Variants in LARP4 observed in about 807,000 individuals in gnomAD.
LARP4 encodes la-related protein 4.
Under a neutral mutation model 92.9 loss-of-function variants are expected in LARP4, and 29 were observed. The ratio of observed to expected loss-of-function variants is 0.31; its 90% CI spans 0.23 to 0.43. LARP4 has a LOEUF of 0.43. Ranked by LOEUF, LARP4 falls within the 20% of genes least tolerant of loss-of-function variation. The pLI is 1.00. For missense variants in LARP4, 732 were observed against 860.0 expected (o/e 0.85, Z 1.86); for synonymous variants, 279 against 284.1 (o/e 0.98, Z 0.18).
intron 13 of LARP4, among the ~76,000 whole-genome samples, chr12:50,468,974 C>T (rs1383408376): frequency 6.6e-6 from 1 of 152,040 alleles, no homozygotes; most frequent in Non-Finnish European, 1.5e-5. Context: ...TACCGTCACC[C>T]TGGCAATTTT....
At chr12:50,453,175 A>G (rs1953577305) in intron 8 of LARP4, among the ~76,000 whole-genome samples, 1 of 151,100 alleles carries the variant, frequency 6.6e-6, no homozygotes. Context: ...TTGACCTCTG[A>G]AAGTGCTCAG....
intron 5 of LARP4, among the ~76,000 whole-genome samples, chr12:50,435,970 G>A (rs1014331911): frequency 2.5e-5 from 3 of 122,202 alleles, no homozygotes; most frequent in East Asian, 5.4e-4. Flanking sequence ...ATAGAGGTGG[G>A]GTCTTGGTAT....
chr12:50,406,427 A>G (rs927900192), intron 1 of LARP4, among the ~76,000 whole-genome samples: 1 of 152,074 alleles, frequency 6.6e-6, no homozygotes, highest in African/African-American at 2.4e-5. Context: ...GCTGCAGTGA[A>G]CCATGTTCAT....
At chr12:50,424,997 A>C (rs1026634374) in intron 1 of LARP4, among the ~76,000 whole-genome samples, 2 of 151,936 alleles carry the variant, frequency 1.3e-5, no homozygotes, top group African/African-American at 2.4e-5. Context: ...AAACACAAAA[A>C]TTTGCCCAAC....
At chr12:50,470,819 C>G (rs1334491083) in intron 13 of LARP4, among the ~76,000 whole-genome samples, 2 of 152,106 alleles carry the variant, frequency 1.3e-5, no homozygotes. Flanking sequence ...TATAGTCATT[C>G]TGCCCCACTC....
In LARP4 at chr12:50,476,276, T is replaced by C. The variant is rs1005871424; in HGVS notation, c.*412T>C. On this transcript the variant is annotated 3_prime_UTR_variant, in exon 16 of 16. Transcript: ENST00000398473. ...AATATTTTTTGAAGAAGCATTTCTG[T>C]AAAATTAGAAATTACTTTTTTTAAT... 1 of 152,544 alleles carries C rather than the reference T, an allele frequency of 6.6e-6. No homozygotes were observed. Among genetic ancestry groups the C allele is most frequent in the African/African-American group, 2.4e-5 (1 of 41,436 alleles). 9.4% of individuals were successfully genotyped at this position (152,544 alleles called of 1,614,324 possible).
At chr12:50,413,400 A>T (rs932187337) in intron 1 of LARP4, among the ~76,000 whole-genome samples, 1 of 152,194 alleles carries the variant, frequency 6.6e-6, no homozygotes, top group Non-Finnish European at 1.5e-5. Context: ...ACTGAAATAC[A>T]CTGTAAAATA....
chr12:50,455,426 A>C (rs989286782), intron 10 of LARP4, among the ~76,000 whole-genome samples: 1 of 152,176 alleles, frequency 6.6e-6, no homozygotes, highest in African/African-American at 2.4e-5. Context: ...TTTATTTAAT[A>C]GTTTCACATT....
chr12:50,444,551 C>G (rs1008063071), intron 8 of LARP4, among the ~76,000 whole-genome samples: 1 of 152,168 alleles, frequency 6.6e-6, no homozygotes, highest in African/African-American at 2.4e-5. Flanking sequence ...GAATGCTATA[C>G]TCCAATCCTG....
Position 50,460,099 on chromosome 12 carries a change from C to T in LARP4, c.1122-1036C>T, listed in dbSNP as rs367592375. Among the ~76,000 whole-genome samples the T allele has an allele frequency of 2.7e-4, 40 of 150,524 alleles. No homozygotes were observed. In the East Asian group the frequency reaches 3.5e-3, roughly 13 times the overall value. ...GCAGTGAGCCGAGATTGCACCACTG[C>T]GCTCCAGCCCGGGCAACAGAGCAAG... On this transcript the variant is annotated intron_variant, in intron 10 of 15. Coordinates refer to ENST00000398473, the MANE Select transcript of LARP4 (RefSeq NM_052879.5).
chr12:50,448,896 A>G (rs1952659219), intron 8 of LARP4, among the ~76,000 whole-genome samples: 1 of 152,372 alleles, frequency 6.6e-6, no homozygotes, highest in East Asian at 1.9e-4. Context: ...CTTGAACATT[A>G]TCAAGTACCT....
Position 50,468,164 on chromosome 12 carries a change from G to A in LARP4, c.1545+1044G>A, listed in dbSNP as rs191375377. Among the ~76,000 whole-genome samples, 49 of 152,074 alleles carry A rather than the reference G, an allele frequency of 3.2e-4. 1 individual carries two copies. Among genetic ancestry groups the A allele is most frequent in the Admixed American group, 1.4e-3 (21 of 15,278 alleles). On this transcript the variant is annotated intron_variant, in intron 13 of 15. Coordinates refer to ENST00000398473, the MANE Select transcript of LARP4 (RefSeq NM_052879.5). ...CCAGCTAATTTTTGTATTTTTAGTA[G>A]AGACAGGGTTTCTCCATGTTGGCCA...
intron 1 of LARP4, among the ~76,000 whole-genome samples, chr12:50,406,704 A>G (rs949566816): frequency 3.3e-5 from 5 of 152,074 alleles, no homozygotes; most frequent in East Asian, 3.9e-4. Context: ...TATAACTTAA[A>G]AAGTATCATC....
intron 1 of LARP4, among the ~76,000 whole-genome samples, chr12:50,413,993 A>G (rs1337591188): frequency 6.6e-6 from 1 of 152,130 alleles, no homozygotes; most frequent in East Asian, 1.9e-4. Flanking sequence ...TATATATCTC[A>G]GTTTCTTTTG....
intron 1 of LARP4, among the ~76,000 whole-genome samples, chr12:50,409,368 A>G (rs769449205): frequency 4.6e-4 from 70 of 152,128 alleles, no homozygotes; most frequent in Non-Finnish European, 8.7e-4. Flanking sequence ...GATTGACAGA[A>G]TAAAACATTT....
At position 50,462,696 on chromosome 12, in the gene LARP4, C is replaced by T. The variant is rs80078181; in HGVS notation, c.1383+66C>T. The T allele has an allele frequency of 3.4e-3, 3,599 of 1,065,876 alleles. 79 individuals carry two copies. In the African/African-American group the frequency reaches 0.05, roughly 15 times the overall value. 66.0% of individuals were successfully genotyped at this position (1,065,876 alleles called of 1,614,324 possible). On this transcript the variant is annotated intron_variant, in intron 12 of 15. Transcript: ENST00000398473. Reference sequence around the variant, plus strand: ...TGTGATTTACTATGGCATTGACTTTCGGTCTTTCCTTTCTGGGTTTTTGTT... The same window carrying T: ...TGTGATTTACTATGGCATTGACTTTTGGTCTTTCCTTTCTGGGTTTTTGTT...
Position 50,400,900 on chromosome 12 carries a change from C to A in LARP4, c.-111C>A. The A allele has an allele frequency of 1.4e-6, 2 of 1,478,222 alleles. No individual in the cohort carries two copies. Among genetic ancestry groups the A allele is most frequent in the Non-Finnish European group, 1.9e-6 (2 of 1,056,554 alleles). The allele number at this position is 1,478,222 out of a possible 1,614,324, so 91.6% of individuals were successfully genotyped here. On this transcript the variant is annotated 5_prime_UTR_variant, in exon 1 of 16. Transcript: ENST00000398473. ...GCAGGGGAGGAGCCGGGTCCACTGC[C>A]GGGTGGAGGGGCAAGGCGAGTGTGT...
intron 5 of LARP4, among the ~76,000 whole-genome samples, chr12:50,436,760 G>A (rs573616203): frequency 6.6e-6 from 1 of 152,328 alleles, no homozygotes; most frequent in East Asian, 1.9e-4. Context: ...TATATGAGAT[G>A]TGTTGAACAT....
At chr12:50,443,689 G>A (rs1951587064) in intron 8 of LARP4, among the ~76,000 whole-genome samples, 1 of 152,112 alleles carries the variant, frequency 6.6e-6, no homozygotes, top group South Asian at 2.1e-4. Context: ...TCAGCTCAAT[G>A]CAACCTCCAC....
Sources: gnomAD v4.1 joint callset for allele counts (sites outside exome capture counted in the v4.1 genomes callset) on GRCh38, gnomAD v4.1.1 for gene constraint, MANE v1.5 for transcripts, NCBI Gene and HGNC (gene_info 2026-07-23, HGNC 2026-07-21) for gene names.